GRIK2: variants seen among roughly 807,000 people sequenced by gnomAD.
GRIK2 encodes glutamate receptor ionotropic, kainate 2.
A neutral mutation model predicts 100.3 loss-of-function variants in GRIK2; 32 were observed. The ratio of observed to expected loss-of-function variants is 0.32; its 90% CI spans 0.24 to 0.43. The LOEUF is 0.43. Among genes scored for constraint, GRIK2 ranks in the 20% least tolerant of loss-of-function variants. The probability of loss-of-function intolerance (pLI) is 1.00; values close to 1 mark genes in which losing one functional copy is unlikely to be tolerated. For synonymous variants in GRIK2, 417 were observed against 389.4 expected, an observed-to-expected ratio of 1.07 and a Z score of -0.83; for missense variants, 843 against 1,114.9, an observed-to-expected ratio of 0.76 and a Z score of 3.47.
At position 101,983,763 on chromosome 6, in the gene GRIK2, G is replaced by T. The variant is rs78274563; in HGVS notation, c.2086-51578G>T. On this transcript the variant is annotated intron_variant, in intron 14 of 16. Coordinates refer to ENST00000369134, the MANE Select transcript of GRIK2 (RefSeq NM_021956.5). Reference sequence around the variant, plus strand: ...AGAAAATACATTATGTTTGAATAGGGTTGTCCTAGGAATGTACAGAAACCA... The same window carrying T: ...AGAAAATACATTATGTTTGAATAGGTTTGTCCTAGGAATGTACAGAAACCA... Among the ~76,000 whole-genome samples the T allele has an allele frequency of 1.0e-3, 156 of 151,760 alleles. 2 individuals are homozygous for T. Among genetic ancestry groups the T allele is most frequent in the African/African-American group, 3.3e-3 (137 of 41,464 alleles).
chr6:101,397,404 A>G (rs1248532733), intron 1 of GRIK2, among the ~76,000 whole-genome samples: 1 of 152,202 alleles, frequency 6.6e-6, no homozygotes. Context: ...AGGAGTCGCT[A>G]GATACCCTTG....
intron 2 of GRIK2, among the ~76,000 whole-genome samples, chr6:101,461,290 A>G (rs531032236): frequency 5.9e-4 from 90 of 152,342 alleles, no homozygotes; most frequent in African/African-American, 2.1e-3. Context: ...AAATTAAGGT[A>G]TAATCAGGAC....
intron 12 of GRIK2, among the ~76,000 whole-genome samples, chr6:101,910,574 T>A (rs1314536110): frequency 1.3e-5 from 2 of 151,286 alleles, no homozygotes; most frequent in African/African-American, 4.8e-5. Context: ...AGTACTTATT[T>A]ATAAGGAAAG....
chr6:102,070,017 G>A lies in GRIK2; in HGVS notation c.*1506G>A, dbSNP rs1243129283. 6.6e-6 allele frequency: 1 copy of A among 151,972 alleles called. No homozygotes were observed. The highest frequency in any genetic ancestry group is 1.5e-5 in the Non-Finnish European group (1 of 67,976). 9.4% of individuals were successfully genotyped at this position (151,972 alleles called of 1,614,324 possible). Reference sequence around the variant, plus strand: ...TTGTGATAACAGTTGAGTGCACACAGTTTGCTGTTTGAATCCAATGCACAA... The same window carrying A: ...TTGTGATAACAGTTGAGTGCACACAATTTGCTGTTTGAATCCAATGCACAA... On this transcript the variant is annotated 3_prime_UTR_variant, in exon 17 of 17. Coordinates refer to ENST00000369134, the MANE Select transcript of GRIK2 (RefSeq NM_021956.5).
At chr6:101,543,609 C>T (rs1425794599) in intron 2 of GRIK2, among the ~76,000 whole-genome samples, 3 of 152,118 alleles carry the variant, frequency 2.0e-5, no homozygotes, top group Admixed American at 2.0e-4. Context: ...TGTATAAAGG[C>T]CTGGCCTCCC....
intron 10 of GRIK2, among the ~76,000 whole-genome samples, chr6:101,857,798 T>C (rs1046127862): frequency 1.3e-5 from 2 of 152,206 alleles, no homozygotes; most frequent in African/African-American, 2.4e-5. Flanking sequence ...TAGTTAAACA[T>C]ACAAATTTCT....
chr6:102,045,960 C>A (rs932601298), intron 15 of GRIK2, among the ~76,000 whole-genome samples: 1 of 151,898 alleles, frequency 6.6e-6, no homozygotes, highest in Non-Finnish European at 1.5e-5. Context: ...ATAAGAGATT[C>A]TTTTTAGCTT....
chr6:101,810,853 T>A (rs542467703), intron 9 of GRIK2, among the ~76,000 whole-genome samples: 1 of 152,130 alleles, frequency 6.6e-6, no homozygotes, highest in African/African-American at 2.4e-5. Flanking sequence ...TTGAAAAAAA[T>A]TTCTGTACCC....
chr6:101,957,086 A>C (rs2128481039), intron 14 of GRIK2, among the ~76,000 whole-genome samples: 1 of 152,044 alleles, frequency 6.6e-6, no homozygotes, highest in African/African-American at 2.4e-5. Context: ...TTTCCACAGA[A>C]GTTATGCTAA....
At chr6:101,794,630 A>ATT (rs139387001) in intron 7 of GRIK2, among the ~76,000 whole-genome samples, 4 of 146,164 alleles carry the variant, frequency 2.7e-5, no homozygotes, top group African/African-American at 1.0e-4. Flanking sequence ...TAATATCCTG[A>ATT]TTTTTTTTTC....
At chr6:101,622,537 CTAAG>C (rs1183361168) in intron 3 of GRIK2, among the ~76,000 whole-genome samples, 4 of 151,960 alleles carry the variant, frequency 2.6e-5, no homozygotes, top group Admixed American at 2.6e-4. Context: ...TTATGTGGTT[CTAAG>C]TGACTTCAAA....
At chr6:101,491,627 A>C (rs192147954) in intron 2 of GRIK2, among the ~76,000 whole-genome samples, 1 of 151,942 alleles carries the variant, frequency 6.6e-6, no homozygotes, top group Non-Finnish European at 1.5e-5. Flanking sequence ...TCTATTTTCT[A>C]TCTCATTATT....
At chr6:101,603,410 A>C (rs1335433642) in intron 2 of GRIK2, among the ~76,000 whole-genome samples, 2 of 151,640 alleles carry the variant, frequency 1.3e-5, no homozygotes, top group Non-Finnish European at 1.5e-5. Flanking sequence ...AGGAATAAAT[A>C]ACCACGATTT....
chr6:101,806,381 A>G (rs1781005891), intron 9 of GRIK2, among the ~76,000 whole-genome samples: 1 of 152,090 alleles, frequency 6.6e-6, no homozygotes, highest in Admixed American at 6.6e-5. Context: ...TCATAACCAT[A>G]GTACCTTTCA....
chr6:102,069,867 A>T lies in GRIK2; in HGVS notation c.*1356A>T, dbSNP rs1772181779. 1.3e-5 allele frequency: 2 copies of T among 152,140 alleles called. No individual in the cohort carries two copies. The highest frequency in any genetic ancestry group is 4.1e-4 in the South Asian group (2 of 4,820). The allele number at this position is 152,140 out of a possible 1,614,324, so 9.4% of individuals were successfully genotyped here. Reference sequence around the variant, plus strand: ...GAGAAATATTTTCAAGTTAGATAATATAAAAGCTAGGTGCACTACCACCAC... The same window carrying T: ...GAGAAATATTTTCAAGTTAGATAATTTAAAAGCTAGGTGCACTACCACCAC... On this transcript the variant is annotated 3_prime_UTR_variant, in exon 17 of 17. Coordinates refer to ENST00000369134, the MANE Select transcript of GRIK2 (RefSeq NM_021956.5).
At chr6:101,681,611 T>C (rs1771262105) in intron 5 of GRIK2, among the ~76,000 whole-genome samples, 1 of 152,172 alleles carries the variant, frequency 6.6e-6, no homozygotes, top group Non-Finnish European at 1.5e-5. Flanking sequence ...AAATTATTAT[T>C]GACTATAGTC....
intron 2 of GRIK2, among the ~76,000 whole-genome samples, chr6:101,512,460 A>G (rs1265046195): frequency 6.6e-6 from 1 of 152,110 alleles, no homozygotes; most frequent in Non-Finnish European, 1.5e-5. Context: ...TGGAAAATAA[A>G]TTGTTGGCTA....
intron 2 of GRIK2, among the ~76,000 whole-genome samples, chr6:101,592,585 T>TCA (rs1491330639): frequency 3.2e-5 from 2 of 63,144 alleles, no homozygotes; most frequent in South Asian, 6.2e-4. Context: ...ATTACTAATA[T>TCA]CACATATATA....
chr6:101,808,533 A>C (rs1781140388), intron 9 of GRIK2, among the ~76,000 whole-genome samples: 1 of 151,952 alleles, frequency 6.6e-6, no homozygotes, highest in African/African-American at 2.4e-5. Context: ...TGTACTACAG[A>C]ATATTTGTTT....
Sources: allele counts gnomAD v4.1 joint callset (sites outside exome capture counted in the v4.1 genomes callset), GRCh38; gene constraint gnomAD v4.1.1; transcripts MANE v1.5; gene names NCBI Gene and HGNC (gene_info 2026-07-23, HGNC 2026-07-21).